The following YPEL2 variants were observed in gnomAD, a reference collection of about 807,000 sequenced individuals.
YPEL2 encodes yippee like 2.
In YPEL2, 2 loss-of-function variants were observed where a neutral mutation model predicts 19.1. That is an observed-to-expected ratio of 0.10 (90% CI 0.04 to 0.33). The LOEUF (loss-of-function observed/expected upper bound fraction) is 0.33. YPEL2 is among the 10% of genes least tolerant of loss of function. YPEL2 has a pLI of 1.00. For synonymous variants in YPEL2, 52 were observed against 50.0 expected, an observed-to-expected ratio of 1.04 and a Z score of -0.17; for missense variants, 66 against 140.7, an observed-to-expected ratio of 0.47 and a Z score of 2.68.
intron 2 of YPEL2, among the ~76,000 whole-genome samples, chr17:59,387,539 C>A (rs191117677): frequency 5.3e-5 from 8 of 152,240 alleles, no homozygotes; most frequent in Non-Finnish European, 1.2e-4. Flanking sequence ...AGGCCGACTT[C>A]TCAGTGTAAC....
chr17:59,376,932 A>C (rs2047923896), intron 2 of YPEL2, among the ~76,000 whole-genome samples: 1 of 143,076 alleles, frequency 7.0e-6, no homozygotes, highest in Non-Finnish European at 1.5e-5. Flanking sequence ...CTGAGTGACA[A>C]GAGCAACACA....
chr17:59,373,147 G>A (rs545052560), intron 2 of YPEL2, among the ~76,000 whole-genome samples: 133 of 152,324 alleles, frequency 8.7e-4, no homozygotes, highest in African/African-American at 3.1e-3. Flanking sequence ...GATTACAGGC[G>A]TGAGCTGCTG....
At chr17:59,369,060 G>A (rs2047884305) in intron 2 of YPEL2, among the ~76,000 whole-genome samples, 1 of 151,210 alleles carries the variant, frequency 6.6e-6, no homozygotes, top group East Asian at 1.9e-4. Context: ...ATGGAGGTCT[G>A]GGGGTTTGCA....
chr17:59,336,851 A>C (rs2047700943), intron 1 of YPEL2, among the ~76,000 whole-genome samples: 2 of 152,238 alleles, frequency 1.3e-5, no homozygotes, highest in South Asian at 4.1e-4. Context: ...GGAATTTAGA[A>C]ACCATGTATT....
chr17:59,348,426 G>A (rs1461306053), intron 1 of YPEL2, among the ~76,000 whole-genome samples: 2 of 152,196 alleles, frequency 1.3e-5, no homozygotes, highest in African/African-American at 4.8e-5. Flanking sequence ...CACTCAGAAG[G>A]TTCTGTTTTG....
intron 4 of YPEL2, 39 bp downstream of exon 4, chr17:59,389,507 G>C: frequency 6.5e-7 from 1 of 1,530,654 alleles, no homozygotes; most frequent in Non-Finnish European, 9.0e-7. Flanking sequence ...GGGCTGGAAG[G>C]GAATTGCCAA....
At chr17:59,383,559 G>A (rs1422476947) in intron 2 of YPEL2, among the ~76,000 whole-genome samples, 1 of 100,832 alleles carries the variant, frequency 9.9e-6, no homozygotes, top group African/African-American at 3.8e-5. Context: ...GGGTGACAGA[G>A]CAAGACTCTG....
Position 59,395,138 on chromosome 17 carries a change from TC to T in YPEL2, c.271-1956del, listed in dbSNP as rs559952210. On this transcript the variant is annotated intron_variant, in intron 4 of 4. Transcript: ENST00000312655. ...TTTCTTAGTTTTGCTTTTTCCTCCT[TC>T]CCCCCCAAACACATTACCGTGGAAC... Among the ~76,000 whole-genome samples, 477 of 151,904 alleles carry T rather than the reference TC, an allele frequency of 3.1e-3. 4 individuals carry two copies. The highest frequency in any genetic ancestry group is 5.2e-3 in the Non-Finnish European group (350 of 67,932).
At chr17:59,396,615 A>C (rs564308499) in intron 4 of YPEL2, among the ~76,000 whole-genome samples, 2 of 152,342 alleles carry the variant, frequency 1.3e-5, no homozygotes, top group South Asian at 4.1e-4. Flanking sequence ...TCTGCAGCTA[A>C]GCGAGGGGGA....
At position 59,353,882 on chromosome 17, in the gene YPEL2, C is replaced by G. The variant is rs2047799526; in HGVS notation, c.117+356C>G. On this transcript the variant is annotated intron_variant, in intron 2 of 4. Transcript: ENST00000312655. The surrounding 1 kb of genome is among the most constrained non-coding windows in gnomAD (Gnocchi z 4.8). ...GTGCTCCCTGCTCAGAAGGTGAATT[C>G]TGATAAAGCAGGGGAATGTCTTGTA... The G allele has an allele frequency of 3.0e-6, 1 of 330,350 alleles. No individual in the cohort carries two copies. Among genetic ancestry groups the G allele is most frequent in the Non-Finnish European group, 5.9e-6 (1 of 170,090 alleles). 20.5% of individuals were successfully genotyped at this position (330,350 alleles called of 1,614,324 possible).
rs574576062 is a variant in YPEL2, at chr17:59,390,249, C to T, written c.270+781C>T. ...ACTCCTGACCTCAGGTGATCCACCC[C>T]CGTCAGGCTCCCAAAGTGCTGGGAT... On this transcript the variant is annotated intron_variant, in intron 4 of 4. Transcript: ENST00000312655. Among the ~76,000 whole-genome samples the T allele has an allele frequency of 1.6e-4, 25 of 152,142 alleles. No individual in the cohort carries two copies. In the South Asian group the frequency reaches 4.4e-3, roughly 27 times the overall value.
At chr17:59,359,519 T>TA (rs1259380012) in intron 2 of YPEL2, among the ~76,000 whole-genome samples, 2 of 152,168 alleles carry the variant, frequency 1.3e-5, no homozygotes, top group Non-Finnish European at 2.9e-5. Flanking sequence ...TGAAAAGAAA[T>TA]AATAAAGAAT....
chr17:59,383,816 A>G (rs1184120002), intron 2 of YPEL2, among the ~76,000 whole-genome samples: 4 of 151,294 alleles, frequency 2.6e-5, no homozygotes, highest in Admixed American at 2.0e-4. Flanking sequence ...AGCATAATGT[A>G]TTTCAGATTC....
intron 2 of YPEL2, among the ~76,000 whole-genome samples, chr17:59,381,127 A>T (rs1222858534): frequency 1.3e-5 from 2 of 152,252 alleles, no homozygotes; most frequent in Admixed American, 6.5e-5. Context: ...GATGAAAAAG[A>T]TGTGGCAGCT....
chr17:59,383,563 G>T (rs2047960887), intron 2 of YPEL2, among the ~76,000 whole-genome samples: 1 of 88,416 alleles, frequency 1.1e-5, no homozygotes. Flanking sequence ...GACAGAGCAA[G>T]ACTCTGTCTC....
At chr17:59,333,554 T>A (rs974905641) in intron 1 of YPEL2, among the ~76,000 whole-genome samples, 4 of 152,166 alleles carry the variant, frequency 2.6e-5, no homozygotes, top group African/African-American at 4.8e-5. Flanking sequence ...GTAACTGAAA[T>A]AAGTTTCAGA....
intron 2 of YPEL2, among the ~76,000 whole-genome samples, chr17:59,361,310 C>T (rs947456088): frequency 2.0e-5 from 3 of 152,104 alleles, no homozygotes; most frequent in East Asian, 1.9e-4. Flanking sequence ...TGTGTGTGCG[C>T]GTGCATGCAC....
intron 1 of YPEL2, among the ~76,000 whole-genome samples, chr17:59,350,232 G>A (rs1018736536): frequency 5.3e-5 from 8 of 152,192 alleles, no homozygotes; most frequent in Non-Finnish European, 1.0e-4. Context: ...CACCATGCCT[G>A]GCTAAGTTTG....
chr17:59,397,361 G>GTC lies in YPEL2; in HGVS notation c.*177_*178dup. The stretch of plus-strand genomic sequence containing the variant: ...TCTGGTGACCGGCCTCTAAATCGCT[G>GTC]TCTCTCTGTCTCTTTGCTTTGTATC... On this transcript the variant is annotated 3_prime_UTR_variant, in exon 5 of 5. Transcript: ENST00000312655. 11 of 459,486 alleles carry GTC rather than the reference G, an allele frequency of 2.4e-5. No individual in the cohort carries two copies. Among genetic ancestry groups the GTC allele is most frequent in the Non-Finnish European group, 4.3e-5 (11 of 254,218 alleles). 28.5% of individuals were successfully genotyped at this position (459,486 alleles called of 1,614,324 possible).
Sources: allele counts gnomAD v4.1 joint callset (sites outside exome capture counted in the v4.1 genomes callset), GRCh38; gene constraint gnomAD v4.1.1; non-coding constraint Gnocchi (gnomAD v3.1); transcripts MANE v1.5; gene names NCBI Gene and HGNC (gene_info 2026-07-23, HGNC 2026-07-21).